The following PTPRC variants were observed in gnomAD, a reference collection of about 807,000 sequenced individuals.
The protein encoded by PTPRC is receptor-type tyrosine-protein phosphatase C.
In PTPRC, 44 loss-of-function variants were observed where a neutral mutation model predicts 155.9. That is an observed-to-expected ratio of 0.28 (90% CI 0.22 to 0.36). The LOEUF is 0.36. PTPRC is among the 10% of genes least tolerant of loss of function. The pLI, the probability that PTPRC is intolerant of heterozygous loss-of-function variation, is 1.00. For missense variants in PTPRC, 1,401 were observed against 1,564.6 expected, an observed-to-expected ratio of 0.90 and a Z score of 1.76; for synonymous variants, 525 against 533.1, an observed-to-expected ratio of 0.98 and a Z score of 0.21.
At chr1:198,731,814 A>G (rs993735032) in intron 18 of PTPRC, 88 bp downstream of exon 18, 59 of 1,050,152 alleles carry the variant, frequency 5.6e-5, no homozygotes, top group Non-Finnish European at 8.0e-5. Context: ...TGCCTTTATA[A>G]TTTATCCCAC....
intron 2 of PTPRC, among the ~76,000 whole-genome samples, chr1:198,641,903 G>A (rs1271161848): frequency 6.6e-6 from 1 of 151,916 alleles, no homozygotes; most frequent in African/African-American, 2.4e-5. Context: ...TATAAACATG[G>A]ACTGTGCCTT....
intron 20 of PTPRC, among the ~76,000 whole-genome samples, 188 bp from the exon 21 acceptor site, chr1:198,734,008 A>G (rs566019556): frequency 6.6e-6 from 1 of 151,948 alleles, no homozygotes; most frequent in Non-Finnish European, 1.5e-5. Context: ...GCAAATGCTA[A>G]CATGTTTAGC....
chr1:198,642,185 T>G (rs762730282), intron 2 of PTPRC, among the ~76,000 whole-genome samples: 3 of 152,056 alleles, frequency 2.0e-5, no homozygotes, highest in Admixed American at 6.6e-5. Flanking sequence ...GTAGTTAGCT[T>G]GAACTTAGTT....
chr1:198,748,099 T>G lies in PTPRC; in HGVS notation c.2848-10T>G. On this transcript the variant is annotated splice_polypyrimidine_tract_variant and intron_variant, in intron 26 of 32. Transcript: ENST00000442510. Reference sequence around the variant, plus strand: ...TAAAGGAGTTTTTCTGTTTTTTTTTTTTTTTTCAGAGACTTCCTTCATATA... The same window carrying G: ...TAAAGGAGTTTTTCTGTTTTTTTTTGTTTTTTCAGAGACTTCCTTCATATA... 6.3e-7 allele frequency: 1 copy of G among 1,587,756 alleles called. No individual in the cohort carries two copies. The highest frequency in any genetic ancestry group is 8.6e-7 in the Non-Finnish European group (1 of 1,166,982).
intron 7 of PTPRC, chr1:198,703,976 G>T (rs1232396452): frequency 5.9e-6 from 1 of 168,362 alleles, no homozygotes; most frequent in Admixed American, 5.7e-5. Flanking sequence ...TGTTGACAGA[G>T]CAATTTGTTA....
rs115935364 is a variant in PTPRC, at chr1:198,754,329, A to C, written c.3570A>C (p.Glu1190Asp). 106 of 1,612,902 alleles carry C rather than the reference A, an allele frequency of 6.6e-5. No homozygotes were observed. Among genetic ancestry groups the C allele is most frequent in the Non-Finnish European group, 8.9e-5 (105 of 1,179,164 alleles). ...TGTTAAATCTCTTAGAAAGTGCGGA[A>C]ACAGAAGAGGTAGTGGATATTTTTC... ...CALLNLLESA[E>D]TEEVVDIFQV... is the part of the protein sequence containing the mutation. Residue 1190 changes from glutamate to aspartate, a missense_variant, in exon 32 of 33, where the codon GAA becomes GAC. Glu to Asp is a conservative substitution (Grantham distance 45, BLOSUM62 2). This residue lies in a region of PTPRC where 400 missense variants were observed against 389.5 expected (regional missense o/e 1.03). Coordinates refer to ENST00000442510, the MANE Select transcript of PTPRC (RefSeq NM_002838.5).
intron 29 of PTPRC, 30 bp downstream of exon 29, chr1:198,750,656 C>G (rs756727688): frequency 8.1e-6 from 13 of 1,608,840 alleles, no homozygotes; most frequent in African/African-American, 8.0e-5. Flanking sequence ...TTCTTTTAAG[C>G]CTTTCTGTCA....
intron 3 of PTPRC, 42 bp downstream of exon 3, chr1:198,692,415 G>A (rs1665980438): frequency 7.6e-7 from 1 of 1,307,614 alleles, no homozygotes; most frequent in Non-Finnish European, 1.0e-6. Flanking sequence ...TTATTTTCTT[G>A]TTGCAAAGTT....
At chr1:198,687,903 G>A (rs761129038) in intron 2 of PTPRC, among the ~76,000 whole-genome samples, 10 of 151,320 alleles carry the variant, frequency 6.6e-5, no homozygotes, top group Admixed American at 2.6e-4. Flanking sequence ...TTTTTTTCAG[G>A]CACGAAAACA....
intron 5 of PTPRC, among the ~76,000 whole-genome samples, 177 bp from the exon 6 acceptor site, chr1:198,702,210 A>G (rs571911445): frequency 6.6e-6 from 1 of 152,316 alleles, no homozygotes; most frequent in South Asian, 2.1e-4. Context: ...CATCTTTCCC[A>G]TAAGCCCTGG....
At chr1:198,754,161 T>C (rs1452621753) in intron 31 of PTPRC, 108 bp from the exon 32 acceptor site, 25 of 1,325,694 alleles carry the variant, frequency 1.9e-5, no homozygotes, top group South Asian at 1.5e-4. Flanking sequence ...AAGATAATTA[T>C]GATAAACATG....
chr1:198,742,405 T>C (rs771766382), intron 25 of PTPRC, 38 bp downstream of exon 25: 10 of 1,608,132 alleles, frequency 6.2e-6, no homozygotes, highest in Non-Finnish European at 8.5e-6. Context: ...TCACTTTGGT[T>C]TTTTGGACTT....
chr1:198,708,356 C>T (rs1012686413), intron 10 of PTPRC, 95 bp downstream of exon 10: 3 of 1,237,146 alleles, frequency 2.4e-6, no homozygotes, highest in African/African-American at 3.0e-5. Flanking sequence ...CTCTCTTCCT[C>T]CCTGCCTCTC....
intron 2 of PTPRC, among the ~76,000 whole-genome samples, chr1:198,650,252 C>A (rs1333690711): frequency 2.0e-5 from 3 of 151,774 alleles, no homozygotes; most frequent in Admixed American, 6.6e-5. Context: ...GGGAAGGAAC[C>A]ATTTTAAGTT....
chr1:198,696,495 A>G (rs1333907738), intron 3 of PTPRC, among the ~76,000 whole-genome samples: 1 of 151,910 alleles, frequency 6.6e-6, no homozygotes, highest in Non-Finnish European at 1.5e-5. Context: ...ATGCATCAAT[A>G]TTTGTATATA....
At chr1:198,709,896 T>C in intron 11 of PTPRC, 72 bp downstream of exon 11, 1 of 1,565,198 alleles carries the variant, frequency 6.4e-7, no homozygotes, top group Non-Finnish European at 8.7e-7. Flanking sequence ...TTGAGAATCA[T>C]AGGAAATGAA....
intron 3 of PTPRC, chr1:198,693,058 C>T (rs1666014376): frequency 1.0e-6 from 1 of 976,060 alleles, no homozygotes; most frequent in Non-Finnish European, 1.2e-6. Flanking sequence ...ATATGGTTGA[C>T]AGTATGCATT....
At chr1:198,680,400 C>A (rs1227236731) in intron 2 of PTPRC, among the ~76,000 whole-genome samples, 3 of 150,652 alleles carry the variant, frequency 2.0e-5, no homozygotes, top group African/African-American at 7.3e-5. Flanking sequence ...TTGCAGTGAG[C>A]TGAGATAGTG....
intron 4 of PTPRC, among the ~76,000 whole-genome samples, chr1:198,697,649 C>T (rs188677076): frequency 6.6e-6 from 1 of 152,146 alleles, no homozygotes; most frequent in Non-Finnish European, 1.5e-5. Context: ...GTAGAGTGTT[C>T]ATGCTTTTCT....
Sources: allele counts gnomAD v4.1 joint callset (sites outside exome capture counted in the v4.1 genomes callset), GRCh38; gene constraint gnomAD v4.1.1; regional missense constraint gnomAD v4.1.1; transcripts MANE v1.5; gene names NCBI Gene and HGNC (gene_info 2026-07-23, HGNC 2026-07-21).